RICTOR: variants seen among roughly 807,000 people sequenced by gnomAD.
RICTOR encodes rapamycin-insensitive companion of mTOR.
A neutral mutation model predicts 214.9 loss-of-function variants in RICTOR; 49 were observed. The observed-to-expected ratio is 0.23, with a 90% confidence interval of 0.18 to 0.29. RICTOR has a LOEUF of 0.29. Among genes scored for constraint, RICTOR ranks in the 10% least tolerant of loss-of-function variants. RICTOR has a pLI of 1.00. For missense variants in RICTOR, 1,625 were observed against 2,047.0 expected, an observed-to-expected ratio of 0.79 and a Z score of 3.98; for synonymous variants, 717 against 711.3, an observed-to-expected ratio of 1.01 and a Z score of -0.13.
chr5:38,971,044 G>A, intron 11 of RICTOR: 1 of 152,568 alleles, frequency 6.6e-6, no homozygotes, highest in Non-Finnish European at 1.5e-5. Flanking sequence ...TTTCACTCTT[G>A]TTGCCCAGGC....
At chr5:39,015,231 T>C (rs1298965876) in intron 3 of RICTOR, among the ~76,000 whole-genome samples, 2 of 152,172 alleles carry the variant, frequency 1.3e-5, no homozygotes, top group African/African-American at 4.8e-5. Context: ...TCTTATTCTA[T>C]AGAGCTATTC....
chr5:38,992,377 T>G (rs547713092), intron 6 of RICTOR, among the ~76,000 whole-genome samples: 23 of 152,282 alleles, frequency 1.5e-4, no homozygotes, highest in African/African-American at 5.3e-4. Context: ...ATTATTATTC[T>G]TATAAGGAGC....
At position 38,962,281 on chromosome 5, in the gene RICTOR, C is replaced by A. The variant is rs372540979; in HGVS notation, c.1715+34G>T. 4.7e-6 allele frequency: 5 copies of A among 1,069,484 alleles called. No homozygotes were observed. The African/African-American group carries it at 4.8e-5, about 10-fold the overall frequency. The allele number at this position is 1,069,484 out of a possible 1,614,324, so 66.2% of individuals were successfully genotyped here. ...TAGGCCTAATATCCATATTTAAGTT[C>A]TTTAAATTTAAATGCAAAATAGTTC... is the stretch of plus-strand genomic sequence containing the variant. On this transcript the variant is annotated intron_variant, in intron 19 of 37. Coordinates refer to ENST00000357387, the MANE Select transcript of RICTOR (RefSeq NM_152756.5).
In RICTOR at chr5:38,958,432, T is replaced by G; in HGVS notation, c.2420+11A>C. 3 of 1,571,150 alleles carry G rather than the reference T, an allele frequency of 1.9e-6. No homozygotes were observed. The highest frequency in any genetic ancestry group is 1.7e-5 in the Admixed American group (1 of 59,924). On this transcript the variant is annotated intron_variant, in intron 24 of 37. Transcript: ENST00000357387. Reference sequence around the variant, plus strand: ...CAAAAAAACATAACAGAAAATTTACTTAAAATTTACCTCAGCAGGAGAAGC... The same window carrying G: ...CAAAAAAACATAACAGAAAATTTACGTAAAATTTACCTCAGCAGGAGAAGC...
intron 2 of RICTOR, among the ~76,000 whole-genome samples, chr5:39,028,172 A>ATTTTT (rs1580137220): frequency 8.4e-6 from 1 of 118,652 alleles, no homozygotes; most frequent in African/African-American, 3.4e-5. Flanking sequence ...AGCAACTGGA[A>ATTTTT]TTCTTTTTTT....
At position 39,009,659 on chromosome 5, in the gene RICTOR, T is replaced by C. The variant is rs1239275; in HGVS notation, c.196-6037A>G. On this transcript the variant is annotated intron_variant, in intron 3 of 37. Coordinates refer to ENST00000357387, the MANE Select transcript of RICTOR (RefSeq NM_152756.5). ...AATGCCTTCAGGTTGTTTCCAGGAC[T>C]GTAGAAGAGGGCTTTAATCAGTCTT... Among the ~76,000 whole-genome samples the C allele has an allele frequency of 1.1e-4, 17 of 150,334 alleles. No individual in the cohort carries two copies. In the East Asian group the frequency reaches 3.1e-3, roughly 27 times the overall value.
chr5:38,981,815 T>C (rs1321930630), intron 8 of RICTOR, 52 bp downstream of exon 8: 3 of 1,262,922 alleles, frequency 2.4e-6, no homozygotes, highest in Admixed American at 3.8e-5. Flanking sequence ...AAAGTAAAAG[T>C]ATACATTTAT....
chr5:38,992,830 T>C (rs1191681232), intron 6 of RICTOR, among the ~76,000 whole-genome samples: 6 of 152,184 alleles, frequency 3.9e-5, no homozygotes, highest in Admixed American at 6.5e-5. Flanking sequence ...TGTAAAAGTT[T>C]AATAATCTCT....
At chr5:39,059,202 C>T (rs1758382187) in intron 2 of RICTOR, among the ~76,000 whole-genome samples, 1 of 152,048 alleles carries the variant, frequency 6.6e-6, no homozygotes, top group Non-Finnish European at 1.5e-5. Context: ...GCAGATACAA[C>T]AGAGCATACA....
chr5:38,944,408 GAATA>G (rs749720902), intron 36 of RICTOR, 34 bp downstream of exon 36: 12 of 1,574,672 alleles, frequency 7.6e-6, no homozygotes, highest in Non-Finnish European at 1.0e-5. Flanking sequence ...TTAAAAAACA[GAATA>G]AACAAATAAT....
rs750741188 is a variant in RICTOR at position 38,949,973 on chromosome 5, G to T, written c.3875C>A (p.Ser1292Tyr). 7 of 1,613,522 alleles carry T rather than the reference G, an allele frequency of 4.3e-6. No individual in the cohort carries two copies. In the South Asian group the frequency reaches 5.5e-5, roughly 13 times the overall value. The part of the protein sequence containing the change: ...SNSVSLVPPG[S>Y]SHTLPRRAQS... Reference sequence around the variant, plus strand: ...TGCTCTTCTAGGAAGCGTATGAGAAGAACCTGGAGGCACCAGGGACACCGA... The same window carrying T: ...TGCTCTTCTAGGAAGCGTATGAGAATAACCTGGAGGCACCAGGGACACCGA... Residue 1292 changes from serine to tyrosine, a missense_variant, in exon 31 of 38, where the codon TCT becomes TAT. Physicochemically the swap from Ser to Tyr is moderately radical, Grantham distance 144. Transcript: ENST00000357387.
intron 10 of RICTOR, among the ~76,000 whole-genome samples, chr5:38,972,378 A>G (rs1251503023): frequency 2.0e-5 from 3 of 152,228 alleles, no homozygotes; most frequent in East Asian, 1.9e-4. Context: ...GCACATGAGT[A>G]TAAGTAATAG....
chr5:38,973,921 G>A (rs1461974536), intron 10 of RICTOR, among the ~76,000 whole-genome samples: 3 of 152,146 alleles, frequency 2.0e-5, no homozygotes, highest in East Asian at 3.8e-4. Flanking sequence ...CTTATAAACA[G>A]TACTACAGAA....
At chr5:39,070,303 A>G (rs903503562) in intron 2 of RICTOR, among the ~76,000 whole-genome samples, 12 of 151,370 alleles carry the variant, frequency 7.9e-5, no homozygotes, top group African/African-American at 2.7e-4. Context: ...GTCTCTACTA[A>G]AAAAAAATAC....
chr5:39,062,438 AG>A (rs1339130857), intron 2 of RICTOR, among the ~76,000 whole-genome samples: 1 of 151,046 alleles, frequency 6.6e-6, no homozygotes, highest in Non-Finnish European at 1.5e-5. Context: ...TTCTTGAGGG[AG>A]GGGAGTGGTG....
chr5:38,990,464 C>A (rs1256756798), intron 7 of RICTOR, among the ~76,000 whole-genome samples: 1 of 137,524 alleles, frequency 7.3e-6, no homozygotes, highest in Admixed American at 7.4e-5. Flanking sequence ...GCACGTGTAT[C>A]CCAGAACTTA....
At chr5:39,047,561 T>C (rs1029942990) in intron 2 of RICTOR, among the ~76,000 whole-genome samples, 2 of 152,240 alleles carry the variant, frequency 1.3e-5, no homozygotes, top group Non-Finnish European at 2.9e-5. Context: ...GACTACATTA[T>C]AATGGTATCC....
chr5:38,958,904 G>T, intron 22 of RICTOR, 73 bp from the exon 23 acceptor site: 2 of 1,097,554 alleles, frequency 1.8e-6, no homozygotes, highest in Non-Finnish European at 2.5e-6. Context: ...TTTATTTTGG[G>T]ATAGTCCTGC....
rs983528024 is a variant in RICTOR, at chr5:38,984,175, T to C, written c.584-2139A>G. Among the ~76,000 whole-genome samples the C allele has an allele frequency of 2.2e-4, 33 of 151,192 alleles. 1 individual carries two copies. Among genetic ancestry groups the C allele is most frequent in the African/African-American group, 7.8e-4 (32 of 41,038 alleles). On this transcript the variant is annotated intron_variant, in intron 7 of 37. Transcript: ENST00000357387. Reference sequence around the variant, plus strand: ...TTACAATTTGTGAGTGACTGGAAATTAAAATTTATCCTGAAAATCCATTCA... The same window carrying C: ...TTACAATTTGTGAGTGACTGGAAATCAAAATTTATCCTGAAAATCCATTCA...
Sources: allele counts gnomAD v4.1 joint callset (sites outside exome capture counted in the v4.1 genomes callset), GRCh38; gene constraint gnomAD v4.1.1; transcripts MANE v1.5; gene names NCBI Gene and HGNC (gene_info 2026-07-23, HGNC 2026-07-21).